Variants in ADAMTS16 observed in about 807,000 individuals in gnomAD.
The protein encoded by ADAMTS16 is ADAM metallopeptidase with thrombospondin type 1 motif 16, also known as A disintegrin and metalloproteinase with thrombospondin motifs 16.
ADAMTS16 carries 94 observed loss-of-function variants against 145.8 expected under a neutral mutation model. The observed-to-expected ratio is 0.64, with a 90% CI of 0.55 to 0.77. ADAMTS16 has a LOEUF of 0.77. ADAMTS16 is among the 30% of genes least tolerant of loss of function. ADAMTS16 has a pLI of 0.00. For synonymous variants in ADAMTS16, 659 were observed against 604.3 expected, an observed-to-expected ratio of 1.09 and a Z score of -1.33; for missense variants, 1,585 against 1,591.5, an observed-to-expected ratio of 1.00 and a Z score of 0.07.
At chr5:5,299,112 A>G (rs1453762727) in intron 18 of ADAMTS16, among the ~76,000 whole-genome samples, 1 of 152,238 alleles carries the variant, frequency 6.6e-6, no homozygotes, top group African/African-American at 2.4e-5. Flanking sequence ...TTGTGTCGTG[A>G]CAAGGTTTCT....
intron 15 of ADAMTS16, among the ~76,000 whole-genome samples, 154 bp downstream of exon 15, chr5:5,239,428 T>G (rs1737213416): frequency 6.6e-6 from 1 of 152,208 alleles, no homozygotes; most frequent in African/African-American, 2.4e-5. Context: ...AGCCTCTTGC[T>G]TTGATTGGAA....
At position 5,155,046 on chromosome 5, in the gene ADAMTS16, G is replaced by A. The variant is rs895889273; in HGVS notation, c.501+8591G>A. ...CTCAAGCAAAAGTCCAGTACAAAGA[G>A]AGTAAAAGAGTCCAAATGAAACCAA... On this transcript the variant is annotated intron_variant, in intron 3 of 22. Coordinates refer to ENST00000274181, the MANE Select transcript of ADAMTS16 (RefSeq NM_139056.4). Among the ~76,000 whole-genome samples the A allele has an allele frequency of 2.6e-5, 4 of 152,226 alleles. No homozygotes were observed. In the East Asian group the frequency reaches 7.7e-4, roughly 29 times the overall value.
intron 18 of ADAMTS16, among the ~76,000 whole-genome samples, chr5:5,272,612 G>A (rs1380589745): frequency 6.6e-5 from 10 of 152,078 alleles, no homozygotes; most frequent in African/African-American, 2.4e-4. Context: ...TGATCCGCCT[G>A]CCTCGGCCTC....
intron 3 of ADAMTS16, among the ~76,000 whole-genome samples, chr5:5,149,800 A>G (rs998792283): frequency 1.3e-5 from 2 of 152,222 alleles, no homozygotes; most frequent in African/African-American, 4.8e-5. Context: ...AGAAGCATAC[A>G]CTATGTGGCC....
At chr5:5,166,533 A>T (rs908019512) in intron 3 of ADAMTS16, among the ~76,000 whole-genome samples, 1 of 152,194 alleles carries the variant, frequency 6.6e-6, no homozygotes, top group Non-Finnish European at 1.5e-5. Flanking sequence ...TTCCTGCGGG[A>T]GTCCTGGGCT....
At chr5:5,199,775 C>T (rs908594812) in intron 8 of ADAMTS16, among the ~76,000 whole-genome samples, 4 of 152,182 alleles carry the variant, frequency 2.6e-5, no homozygotes, top group African/African-American at 9.7e-5. Context: ...CATGGAAACT[C>T]TAACGATCCT....
chr5:5,269,332 C>T lies in ADAMTS16; in HGVS notation c.2789+6549C>T, dbSNP rs1738377777. On this transcript the variant is annotated intron_variant, in intron 18 of 22. Transcript: ENST00000274181. The surrounding 1 kb of genome is among the most constrained non-coding windows in gnomAD (Gnocchi z 4.3). ...TACCCCCAACTCTTGACCCACTGTG[C>T]ACATGGAGCTCAGCAGTAAATGCTA... 6.6e-6 allele frequency among the ~76,000 whole-genome samples: 1 copy of T among 152,096 alleles called. No individual in the cohort carries two copies. Among genetic ancestry groups the T allele is most frequent in the Non-Finnish European group, 1.5e-5 (1 of 68,024 alleles).
chr5:5,319,658 G>A lies in ADAMTS16; in HGVS notation c.*520G>A. 2.9e-6 allele frequency: 1 copy of A among 350,426 alleles called. No homozygotes were observed. The highest frequency in any genetic ancestry group is 5.5e-6 in the Non-Finnish European group (1 of 181,350). 21.7% of individuals were successfully genotyped at this position (350,426 alleles called of 1,614,324 possible). On this transcript the variant is annotated 3_prime_UTR_variant, in exon 23 of 23. Coordinates refer to ENST00000274181, the MANE Select transcript of ADAMTS16 (RefSeq NM_139056.4). The stretch of plus-strand genomic sequence containing the variant: ...AGGGGAGCTCCAGGAGGCTGCCCAG[G>A]CTCCTCCTCCTCCTCCCCAGCGGCC...
rs992587525 is a variant in ADAMTS16, at chr5:5,284,221, A to T, written c.2790-19047A>T. Among the ~76,000 whole-genome samples, 8 of 152,344 alleles carry T rather than the reference A, an allele frequency of 5.3e-5. No homozygotes were observed. The East Asian group carries it at 1.5e-3, about 29-fold the overall frequency. ...TAATGTTACAAATTAAACTAAAGCC[A>T]TAAAGACCTTCACAGGCAAAATAAA... On this transcript the variant is annotated intron_variant, in intron 18 of 22. Coordinates refer to ENST00000274181, the MANE Select transcript of ADAMTS16 (RefSeq NM_139056.4).
chr5:5,178,198 G>A (rs1268056571), intron 3 of ADAMTS16, among the ~76,000 whole-genome samples: 1 of 152,208 alleles, frequency 6.6e-6, no homozygotes, highest in Non-Finnish European at 1.5e-5. Flanking sequence ...TTCTTATGAA[G>A]GCAATATAAG....
Position 5,140,353 on chromosome 5 carries a change from G to T in ADAMTS16, c.-115G>T. On this transcript the variant is annotated 5_prime_UTR_variant, in exon 1 of 23. Coordinates refer to ENST00000274181, the MANE Select transcript of ADAMTS16 (RefSeq NM_139056.4). The stretch of plus-strand genomic sequence containing the variant: ...TCAGTAATAACCCCGGCGCGGCGGC[G>T]GAGTCGCTGTGGGGAATCCTCCCGC... 6 of 1,056,570 alleles carry T rather than the reference G, an allele frequency of 5.7e-6. No homozygotes were observed. Among genetic ancestry groups the T allele is most frequent in the Non-Finnish European group, 6.4e-6 (5 of 785,468 alleles). 65.4% of individuals were successfully genotyped at this position (1,056,570 alleles called of 1,614,324 possible).
intron 20 of ADAMTS16, 47 bp from the exon 21 acceptor site, chr5:5,306,455 CAA>C: frequency 6.4e-7 from 1 of 1,557,828 alleles, no homozygotes; most frequent in Non-Finnish European, 8.7e-7. Context: ...ACAGATTTTG[CAA>C]AAAAAGAGAT....
chr5:5,227,793 A>C (rs1736813411), intron 11 of ADAMTS16, among the ~76,000 whole-genome samples: 1 of 152,234 alleles, frequency 6.6e-6, no homozygotes, highest in African/African-American at 2.4e-5. Context: ...CTTTTGCATC[A>C]GCCTAATACA....
At chr5:5,255,475 G>A (rs1181077309) in intron 17 of ADAMTS16, among the ~76,000 whole-genome samples, 1 of 152,226 alleles carries the variant, frequency 6.6e-6, no homozygotes, top group Non-Finnish European at 1.5e-5. Flanking sequence ...AGAGATCATT[G>A]GTGATGATTA....
At chr5:5,209,315 G>T (rs1736213767) in intron 10 of ADAMTS16, 69 bp downstream of exon 10, 2 of 1,563,548 alleles carry the variant, frequency 1.3e-6, no homozygotes, top group East Asian at 4.5e-5. Context: ...TGTAACTGAT[G>T]TTGATATATT....
intron 18 of ADAMTS16, among the ~76,000 whole-genome samples, chr5:5,292,131 T>C (rs566909012): frequency 6.6e-6 from 1 of 152,250 alleles, no homozygotes; most frequent in African/African-American, 2.4e-5. Context: ...GAGACTTGAG[T>C]AGAAATTTCT....
chr5:5,224,410 C>T (rs1736694038), intron 11 of ADAMTS16, among the ~76,000 whole-genome samples: 1 of 152,118 alleles, frequency 6.6e-6, no homozygotes, highest in South Asian at 2.1e-4. Flanking sequence ...CTGCCTCAGC[C>T]TCCTGAGTAG....
chr5:5,213,030 T>A (rs1317763812), intron 10 of ADAMTS16, among the ~76,000 whole-genome samples: 5 of 152,236 alleles, frequency 3.3e-5, no homozygotes, highest in Non-Finnish European at 7.3e-5. Context: ...TTGTGCCCAC[T>A]TCGTGCAAAA....
chr5:5,182,236 C>A lies in ADAMTS16; in HGVS notation c.694C>A (p.Pro232Thr). 1.2e-6 allele frequency: 2 copies of A among 1,614,190 alleles called. No homozygotes were observed. Among genetic ancestry groups the A allele is most frequent in the Middle Eastern group, 1.6e-4 (1 of 6,062 alleles). The change falls in exon 4 of 23, where the codon CCC becomes ACC. Residue 232 changes from proline to threonine, a missense_variant. Physicochemically the swap from Pro to Thr is conservative, Grantham distance 38. This residue lies in a region of ADAMTS16 where 453 missense variants were observed against 412.1 expected (regional missense o/e 1.10). Coordinates refer to ENST00000274181, the MANE Select transcript of ADAMTS16 (RefSeq NM_139056.4). ...TSRTWELAHQ[P>T]LHSSDLRLGL... Reference sequence around the variant, plus strand: ...AAGGACATGGGAGCTGGCACATCAACCCCTGCACAGCAGCGACCTTCGCCT... The same window carrying A: ...AAGGACATGGGAGCTGGCACATCAAACCCTGCACAGCAGCGACCTTCGCCT...
Sources: gnomAD v4.1 joint callset for allele counts (sites outside exome capture counted in the v4.1 genomes callset) on GRCh38, gnomAD v4.1.1 for gene constraint, gnomAD v4.1.1 regional missense constraint, Gnocchi (gnomAD v3.1) non-coding constraint, MANE v1.5 for transcripts, NCBI Gene and HGNC (gene_info 2026-07-23, HGNC 2026-07-21) for gene names.